FAF1: variants seen among roughly 807,000 people sequenced by gnomAD.
FAF1 encodes Fas associated factor 1.
In FAF1, 25 loss-of-function variants were observed where a neutral mutation model predicts 92.5. That is an observed-to-expected ratio of 0.27 (90% CI 0.20 to 0.38). FAF1 has a LOEUF of 0.38. Ranked by LOEUF, FAF1 falls within the 10% of genes least tolerant of loss-of-function variation. FAF1 has a pLI of 1.00. For synonymous variants in FAF1, 234 were observed against 273.2 expected (o/e 0.86, Z 1.42); for missense variants, 636 against 793.3 (o/e 0.80, Z 2.38).
At chr1:50,917,646 A>AAGGAG (rs758839527) in intron 1 of FAF1, among the ~76,000 whole-genome samples, 1 of 132,404 alleles carries the variant, frequency 7.6e-6, no homozygotes, top group Non-Finnish European at 1.6e-5. Context: ...AAGGAAAGGA[A>AAGGAG]AGGAAAGGAA....
chr1:50,597,641 C>A (rs1651887905), intron 8 of FAF1, among the ~76,000 whole-genome samples: 1 of 151,826 alleles, frequency 6.6e-6, no homozygotes, highest in East Asian at 1.9e-4. Flanking sequence ...CCCTTTTTCA[C>A]AAAAATAATT....
chr1:50,618,331 T>C (rs1301249254), intron 8 of FAF1, among the ~76,000 whole-genome samples: 2 of 152,070 alleles, frequency 1.3e-5, no homozygotes, highest in Non-Finnish European at 2.9e-5. Flanking sequence ...GAGATTTTGG[T>C]AATTTTCGCT....
Position 50,588,052 on chromosome 1 carries a change from C to T in FAF1, c.841-3241G>A, listed in dbSNP as rs138124566. Among the ~76,000 whole-genome samples, 1,333 of 152,076 alleles carry T rather than the reference C, an allele frequency of 8.8e-3. 20 individuals are homozygous for T. Among genetic ancestry groups the T allele is most frequent in the African/African-American group, 0.031 (1,276 of 41,482 alleles). On this transcript the variant is annotated intron_variant, in intron 9 of 18. Coordinates refer to ENST00000396153, the MANE Select transcript of FAF1 (RefSeq NM_007051.3). ...CTGTAATCCCAGCACTTTCAGAGGC[C>T]GAGGCAGGCGGATCACTTAAGGTCA...
At chr1:50,825,938 A>AT (rs1644093125) in intron 2 of FAF1, among the ~76,000 whole-genome samples, 1 of 152,198 alleles carries the variant, frequency 6.6e-6, no homozygotes, top group Non-Finnish European at 1.5e-5. Flanking sequence ...CAAAAAAGAA[A>AT]TTAAAACAAA....
chr1:50,780,667 G>T, intron 4 of FAF1: 1 of 246,724 alleles, frequency 4.1e-6, no homozygotes, highest in South Asian at 5.0e-5. Context: ...ATCAGTATCA[G>T]AGAGGACTAT....
In FAF1 at chr1:50,918,274, G is replaced by A. The variant is rs539306286; in HGVS notation, c.45+41493C>T. ...AGTTACATATGTATACATGTGCCAT[G>A]CTGGTGTGCTGCACCCACTAACGTG... On this transcript the variant is annotated intron_variant, in intron 1 of 18. Coordinates refer to ENST00000396153, the MANE Select transcript of FAF1 (RefSeq NM_007051.3). Among the ~76,000 whole-genome samples the A allele has an allele frequency of 1.3e-3, 159 of 123,540 alleles. 2 individuals carry two copies. The highest frequency in any genetic ancestry group is 5.1e-3 in the African/African-American group (159 of 31,344). The allele number at this position is 123,540 out of a possible 152,430, so 81.0% of individuals were successfully genotyped here.
chr1:50,776,042 CT>C (rs1384111393), intron 4 of FAF1, among the ~76,000 whole-genome samples: 1 of 152,088 alleles, frequency 6.6e-6, no homozygotes, highest in African/African-American at 2.4e-5. Flanking sequence ...ATAACAATAT[CT>C]GATTTAAAAT....
At chr1:50,489,084 C>T (rs1646799791) in intron 17 of FAF1, among the ~76,000 whole-genome samples, 1 of 152,106 alleles carries the variant, frequency 6.6e-6, no homozygotes, top group South Asian at 2.1e-4. Flanking sequence ...AAGATTTTTC[C>T]TTTGGCCTTG....
At chr1:50,549,065 T>A (rs1464909694) in intron 13 of FAF1, among the ~76,000 whole-genome samples, 1 of 152,180 alleles carries the variant, frequency 6.6e-6, no homozygotes, top group Non-Finnish European at 1.5e-5. Flanking sequence ...TTTCCTAAAA[T>A]AAGTTATAGC....
intron 7 of FAF1, among the ~76,000 whole-genome samples, chr1:50,699,363 A>C (rs146857605): frequency 1.3e-4 from 20 of 152,252 alleles, no homozygotes; most frequent in Non-Finnish European, 2.1e-4. Context: ...TTTTAATCTC[A>C]TAACTTTGGT....
intron 1 of FAF1, among the ~76,000 whole-genome samples, chr1:50,935,989 C>G (rs1438256153): frequency 1.3e-5 from 2 of 152,184 alleles, no homozygotes; most frequent in Non-Finnish European, 2.9e-5. Context: ...ACAGTGTTAA[C>G]TAACAAACTA....
chr1:50,730,056 T>C (rs532941385), intron 6 of FAF1, among the ~76,000 whole-genome samples: 16 of 152,124 alleles, frequency 1.1e-4, no homozygotes, highest in Non-Finnish European at 2.1e-4. Context: ...ATTTGTTCCA[T>C]GAAAATTTAT....
At chr1:50,808,926 C>T (rs1037381337) in intron 2 of FAF1, among the ~76,000 whole-genome samples, 1 of 152,152 alleles carries the variant, frequency 6.6e-6, no homozygotes, top group Admixed American at 6.6e-5. Context: ...TTTAATTCAA[C>T]AAGAAGACCT....
chr1:50,710,770 T>G (rs1657890011), intron 6 of FAF1, among the ~76,000 whole-genome samples: 1 of 151,588 alleles, frequency 6.6e-6, no homozygotes, highest in Non-Finnish European at 1.5e-5. Flanking sequence ...GCCCGGCTAA[T>G]TTTTTGTATT....
intron 14 of FAF1, among the ~76,000 whole-genome samples, chr1:50,536,336 T>C (rs1385017112): frequency 2.0e-5 from 3 of 152,176 alleles, no homozygotes; most frequent in Non-Finnish European, 2.9e-5. Context: ...TTCATGAGGA[T>C]ATATAAAGAT....
chr1:50,609,712 C>T (rs1198850903), intron 8 of FAF1, among the ~76,000 whole-genome samples: 1 of 151,912 alleles, frequency 6.6e-6, no homozygotes, highest in East Asian at 1.9e-4. Context: ...ACATCATCTC[C>T]ACCTGAAACA....
intron 2 of FAF1, among the ~76,000 whole-genome samples, chr1:50,857,126 C>T (rs543012246): frequency 2.6e-5 from 4 of 151,582 alleles, no homozygotes; most frequent in South Asian, 4.1e-4. Context: ...AAAAGAAAAG[C>T]TTTTCATATT....
chr1:50,838,025 G>C (rs754415698), intron 2 of FAF1, among the ~76,000 whole-genome samples: 3 of 152,116 alleles, frequency 2.0e-5, no homozygotes, highest in Non-Finnish European at 4.4e-5. Flanking sequence ...TTACAGGCGT[G>C]AGCCACCGCG....
chr1:50,814,799 C>A (rs956163781), intron 2 of FAF1, among the ~76,000 whole-genome samples: 3 of 152,082 alleles, frequency 2.0e-5, no homozygotes, highest in Admixed American at 6.5e-5. Flanking sequence ...AAAAGCAAAT[C>A]AAAACTACAA....
Sources: gnomAD v4.1 joint callset for allele counts (sites outside exome capture counted in the v4.1 genomes callset) on GRCh38, gnomAD v4.1.1 for gene constraint, MANE v1.5 for transcripts, NCBI Gene and HGNC (gene_info 2026-07-23, HGNC 2026-07-21) for gene names.